Variants in CLYBL observed in about 807,000 individuals in gnomAD.
CLYBL encodes the protein citramalyl-CoA lyase.
In CLYBL, 31 loss-of-function variants were observed where a neutral mutation model predicts 38.9. The ratio of observed to expected loss-of-function variants is 0.80; its 90% CI spans 0.60 to 1.08. The LOEUF (loss-of-function observed/expected upper bound fraction) is 1.08, where lower values mean the gene tolerates loss of function less well. Among genes scored for constraint, CLYBL ranks in the 50% least tolerant of loss-of-function variants. The pLI is 0.00. For missense variants in CLYBL, 434 were observed against 411.6 expected, an observed-to-expected ratio of 1.05 and a Z score of -0.47; for synonymous variants, 171 against 158.6, an observed-to-expected ratio of 1.08 and a Z score of -0.59.
At chr13:99,872,585 ACCT>A (rs1240025918) in intron 7 of CLYBL, among the ~76,000 whole-genome samples, 1 of 151,820 alleles carries the variant, frequency 6.6e-6, no homozygotes, top group Admixed American at 6.6e-5. Flanking sequence ...TGTCATAAAC[ACCT>A]CCTGGTGAAA....
intron 1 of CLYBL, among the ~76,000 whole-genome samples, chr13:99,737,487 G>A (rs1023157576): frequency 6.6e-6 from 1 of 152,218 alleles, no homozygotes; most frequent in African/African-American, 2.4e-5. Flanking sequence ...AACTCCAGGT[G>A]TGCTGGGTTC....
chr13:99,827,846 C>T (rs1359940448), intron 2 of CLYBL, among the ~76,000 whole-genome samples: 3 of 152,228 alleles, frequency 2.0e-5, no homozygotes, highest in South Asian at 2.1e-4. Context: ...CGTGCCTACC[C>T]GCCAAGGCTC....
intron 2 of CLYBL, among the ~76,000 whole-genome samples, chr13:99,778,538 A>G (rs1006760797): frequency 6.6e-6 from 1 of 152,214 alleles, no homozygotes; most frequent in Admixed American, 6.5e-5. Flanking sequence ...AAAGCAGTTT[A>G]TAAGTATATA....
chr13:99,788,887 T>C (rs1274426719), intron 2 of CLYBL, among the ~76,000 whole-genome samples: 5 of 152,214 alleles, frequency 3.3e-5, no homozygotes, highest in Non-Finnish European at 7.3e-5. Flanking sequence ...GAGCCTGTTA[T>C]TGGTCTATTG....
chr13:99,736,710 G>T (rs537922429), intron 1 of CLYBL, among the ~76,000 whole-genome samples: 1 of 152,010 alleles, frequency 6.6e-6, no homozygotes, highest in Non-Finnish European at 1.5e-5. Flanking sequence ...CTCCCTCCAC[G>T]GCCAGATTTC....
intron 2 of CLYBL, among the ~76,000 whole-genome samples, chr13:99,773,463 A>G (rs1162355264): frequency 1.3e-5 from 2 of 152,182 alleles, no homozygotes; most frequent in East Asian, 1.9e-4. Flanking sequence ...CAGCAGTGGC[A>G]TTAGATTCTC....
chr13:99,908,235 C>T (rs527858914), exon 10 of CLYBL, among the ~76,000 whole-genome samples: 2 of 152,316 alleles, frequency 1.3e-5, no homozygotes, highest in East Asian at 3.9e-4. Flanking sequence ...TCTGTGCTCT[C>T]AGAACTCCCT....
chr13:99,779,718 G>A lies in CLYBL; in HGVS notation c.249+6708G>A, dbSNP rs886310766. ...GTAAAGTTTCAGGGACTGAGACTGGGCCACAAACCATAGCTTGAGTAGCAA... is the reference window on the plus strand; with the variant it reads ...GTAAAGTTTCAGGGACTGAGACTGGACCACAAACCATAGCTTGAGTAGCAA... On this transcript the variant is annotated intron_variant, in intron 2 of 8. Coordinates refer to ENST00000339105, the MANE Select transcript of CLYBL (RefSeq NM_206808.5). Among the ~76,000 whole-genome samples, 5 of 152,148 alleles carry A rather than the reference G, an allele frequency of 3.3e-5. 1 individual carries two copies. In the South Asian group the frequency reaches 8.3e-4, roughly 25 times the overall value.
At chr13:99,846,300 T>C (rs1429242233) in intron 2 of CLYBL, among the ~76,000 whole-genome samples, 9 of 149,906 alleles carry the variant, frequency 6.0e-5, no homozygotes, top group Admixed American at 6.0e-4. Context: ...TTTTTTTTTT[T>C]TTTTTTTTTG....
At chr13:99,811,990 T>C (rs1452384803) in intron 2 of CLYBL, among the ~76,000 whole-genome samples, 1 of 152,182 alleles carries the variant, frequency 6.6e-6, no homozygotes, top group Admixed American at 6.5e-5. Flanking sequence ...TCCACAATCC[T>C]GTATCCACTA....
intron 2 of CLYBL, among the ~76,000 whole-genome samples, chr13:99,833,683 CTTTTTTTTTTTTT>C (rs35378080): frequency 1.2e-4 from 7 of 56,114 alleles, no homozygotes; most frequent in Admixed American, 2.8e-4. Context: ...TACCGTGTTG[CTTTTTTTTTTTTT>C]TTTTTTTTTT....
At chr13:99,752,134 G>A (rs1028080382) in intron 1 of CLYBL, among the ~76,000 whole-genome samples, 1 of 152,170 alleles carries the variant, frequency 6.6e-6, no homozygotes, top group Non-Finnish European at 1.5e-5. Flanking sequence ...ATATGCCGCT[G>A]GTGGGAGTGT....
intron 1 of CLYBL, among the ~76,000 whole-genome samples, chr13:99,740,046 G>A (rs2048727172): frequency 6.6e-6 from 1 of 152,132 alleles, no homozygotes; most frequent in Non-Finnish European, 1.5e-5. Context: ...TCTGCACAAA[G>A]TCTGTGAAGA....
chr13:99,901,348 C>T (rs115901429), downstream of CLYBL, among the ~76,000 whole-genome samples: 994 of 152,248 alleles, frequency 6.5e-3, 11 homozygotes, highest in African/African-American at 0.022. Context: ...AACAACAACA[C>T]GGGCAAACTA....
intron 1 of CLYBL, among the ~76,000 whole-genome samples, chr13:99,710,107 G>A (rs2139487125): frequency 6.6e-6 from 1 of 152,042 alleles, no homozygotes; most frequent in East Asian, 1.9e-4. Context: ...TGTATTTTCA[G>A]TAGAGATGGG....
At chr13:99,633,502 T>G (rs2046977475) in intron 1 of CLYBL, among the ~76,000 whole-genome samples, 1 of 141,600 alleles carries the variant, frequency 7.1e-6, no homozygotes, top group Non-Finnish European at 1.5e-5. Context: ...ACCACTGTAC[T>G]CCAGCCTGGG....
At chr13:99,721,818 G>A (rs550678402) in intron 1 of CLYBL, among the ~76,000 whole-genome samples, 15 of 152,162 alleles carry the variant, frequency 9.9e-5, no homozygotes, top group African/African-American at 3.6e-4. Context: ...TTCCTGGCCT[G>A]GTTGGAATTT....
chr13:99,835,627 G>C (rs1451488896), intron 2 of CLYBL, among the ~76,000 whole-genome samples: 1 of 152,174 alleles, frequency 6.6e-6, no homozygotes, highest in Non-Finnish European at 1.5e-5. Context: ...CCACACCCCT[G>C]TGCAACCACA....
At chr13:99,788,705 G>C (rs1036385662) in intron 2 of CLYBL, among the ~76,000 whole-genome samples, 2 of 152,180 alleles carry the variant, frequency 1.3e-5, no homozygotes, top group African/African-American at 4.8e-5. Context: ...TCAGGATGAT[G>C]CTGGCCTCAT....
Sources: allele counts gnomAD v4.1 joint callset (sites outside exome capture counted in the v4.1 genomes callset), GRCh38; gene constraint gnomAD v4.1.1; transcripts MANE v1.5; gene names NCBI Gene and HGNC (gene_info 2026-07-23, HGNC 2026-07-21).